IQCH: variants seen among roughly 807,000 people sequenced by gnomAD.
IQCH encodes the protein IQ domain-containing protein H.
Under a neutral mutation model 117.0 loss-of-function variants are expected in IQCH, and 98 were observed. The observed-to-expected ratio is 0.84, with a 90% confidence interval of 0.71 to 0.99. The LOEUF is 0.99. IQCH is among the 50% of genes least tolerant of loss of function. The probability of loss-of-function intolerance (pLI) is 0.00; values close to 1 mark genes in which losing one functional copy is unlikely to be tolerated. For synonymous variants in IQCH, 412 were observed against 448.2 expected, an observed-to-expected ratio of 0.92 and a Z score of 1.02; for missense variants, 1,102 against 1,243.8, an observed-to-expected ratio of 0.89 and a Z score of 1.72.
intron 3 of IQCH, among the ~76,000 whole-genome samples, chr15:67,277,813 T>A (rs919998688): frequency 6.6e-6 from 1 of 152,008 alleles, no homozygotes; most frequent in South Asian, 2.1e-4. Context: ...GATTACAGGC[T>A]TGAGCCACCG....
rs2140839048 is a variant in IQCH at position 67,388,672 on chromosome 15, G to A, written c.1457-159G>A. On this transcript the variant is annotated intron_variant, in intron 11 of 20. Transcript: ENST00000335894. The surrounding 1 kb of genome is among the most constrained non-coding windows in gnomAD (Gnocchi z 5.5). The stretch of plus-strand genomic sequence containing the variant: ...GAAATGCCGAACTGTAAAAAAGCCA[G>A]TTAGATTGCTCAGATAGTACAAAAC... Among the ~76,000 whole-genome samples, 1 of 152,250 alleles carries A rather than the reference G, an allele frequency of 6.6e-6. No individual in the cohort carries two copies. The highest frequency in any genetic ancestry group is 2.1e-4 in the South Asian group (1 of 4,826).
At position 67,466,938 on chromosome 15, in the gene IQCH, TG is replaced by T; in HGVS notation, c.2676+1646del. The stretch of plus-strand genomic sequence containing the variant: ...AGTCTATGCCATTTCTGCAAGAAGC[TG>T]GGGGTCAGGTGTGGTGGCTCACGCC... On this transcript the variant is annotated intron_variant, in intron 17 of 20. Coordinates refer to ENST00000335894, the MANE Select transcript of IQCH (RefSeq NM_001031715.3). The surrounding 1 kb of genome is among the most constrained non-coding windows in gnomAD (Gnocchi z 4.4). 6.5e-6 allele frequency: 1 copy of T among 153,052 alleles called. No individual in the cohort carries two copies. Among genetic ancestry groups the T allele is most frequent in the Non-Finnish European group, 1.5e-5 (1 of 68,740 alleles). 9.5% of individuals were successfully genotyped at this position (153,052 alleles called of 1,614,324 possible).
intron 6 of IQCH, among the ~76,000 whole-genome samples, chr15:67,353,196 C>T (rs573396459): frequency 4.2e-4 from 63 of 149,674 alleles, no homozygotes; most frequent in Admixed American, 1.4e-3. Flanking sequence ...TAATAAGTGA[C>T]GTAAGCCTAA....
chr15:67,414,447 G>A (rs2081524149), intron 14 of IQCH, among the ~76,000 whole-genome samples: 1 of 152,062 alleles, frequency 6.6e-6, no homozygotes, highest in Admixed American at 6.5e-5. Flanking sequence ...GGAGGCAGAG[G>A]AGGGCAGGTT....
At chr15:67,397,208 T>G (rs145355648) in intron 13 of IQCH, among the ~76,000 whole-genome samples, 1 of 152,358 alleles carries the variant, frequency 6.6e-6, no homozygotes, top group East Asian at 1.9e-4. Flanking sequence ...ATGTTTATAT[T>G]GAGTCTTGCC....
Position 67,490,840 on chromosome 15 carries a change from C to T in IQCH, c.2861+776C>T, listed in dbSNP as rs114488710. Among the ~76,000 whole-genome samples, 1,399 of 152,360 alleles carry T rather than the reference C, an allele frequency of 9.2e-3. 26 individuals are homozygous for T. Among genetic ancestry groups the T allele is most frequent in the African/African-American group, 0.032 (1,348 of 41,586 alleles). On this transcript the variant is annotated intron_variant, in intron 19 of 20. Coordinates refer to ENST00000335894, the MANE Select transcript of IQCH (RefSeq NM_001031715.3). The surrounding 1 kb of genome is among the most constrained non-coding windows in gnomAD (Gnocchi z 4.9). Reference sequence around the variant, plus strand: ...GTACGCATGCACTGAGCACAGGCTGCTGGCAACACTCGGAGGCTTCCGCAC... The same window carrying T: ...GTACGCATGCACTGAGCACAGGCTGTTGGCAACACTCGGAGGCTTCCGCAC...
Position 67,421,526 on chromosome 15 carries a change from CT to C in IQCH, c.2458del (p.Ser820ArgfsTer2). 6.2e-7 allele frequency: 1 copy of C among 1,614,192 alleles called. No individual in the cohort carries two copies. Among genetic ancestry groups the C allele is most frequent in the Non-Finnish European group, 8.5e-7 (1 of 1,180,018 alleles). On this transcript the variant is annotated frameshift_variant, in exon 16 of 21. Coordinates refer to ENST00000335894, the MANE Select transcript of IQCH (RefSeq NM_001031715.3). LOFTEE classifies it high-confidence loss of function. Reference protein sequence around the residue: ...ACRMRDVVGYFSIDLVTFIDP... With the variant: ...ACRMRDVVGYXSIDLVTFIDP... ...GCAGAATGAGAGATGTGGTTGGTTACTTTTCGATAGATCTGGTGACTTTTAT... is the reference window on the plus strand; with the variant it reads ...GCAGAATGAGAGATGTGGTTGGTTACTTTCGATAGATCTGGTGACTTTTAT...
At chr15:67,351,274 T>C (rs1262639652) in intron 6 of IQCH, among the ~76,000 whole-genome samples, 1 of 151,798 alleles carries the variant, frequency 6.6e-6, no homozygotes, top group Admixed American at 6.6e-5. Flanking sequence ...TGGTGTGTAA[T>C]GTTCCCCTCC....
chr15:67,438,038 G>A (rs1405021862), intron 16 of IQCH, among the ~76,000 whole-genome samples: 1 of 152,114 alleles, frequency 6.6e-6, no homozygotes, highest in Non-Finnish European at 1.5e-5. Context: ...AATACAAGAA[G>A]CACAAAGAAC....
chr15:67,279,984 C>T (rs1241950934), intron 4 of IQCH, among the ~76,000 whole-genome samples: 3 of 151,456 alleles, frequency 2.0e-5, no homozygotes, highest in Non-Finnish European at 4.4e-5. Context: ...CCACTGCACT[C>T]CAGCCAGGGC....
chr15:67,263,207 CT>C lies in IQCH; in HGVS notation c.262del (p.Ser88ProfsTer8). On this transcript the variant is annotated frameshift_variant, in exon 3 of 21. Transcript: ENST00000335894. LOFTEE classifies it high-confidence loss of function. Reference protein sequence around the residue: ...VNDESLYTPQASKWLLPTVID... With the variant: ...VNDESLYTPQXSKWLLPTVID... ...GATGAGAGCTTATATACTCCCCAGGCTTCCAAATGGTAAGTAAAATAGCCAT... is the reference window on the plus strand; with the variant it reads ...GATGAGAGCTTATATACTCCCCAGGCTCCAAATGGTAAGTAAAATAGCCAT... The C allele has an allele frequency of 6.5e-7, 1 of 1,537,766 alleles. No individual in the cohort carries two copies. The highest frequency in any genetic ancestry group is 9.0e-7 in the Non-Finnish European group (1 of 1,113,396).
Position 67,465,260 on chromosome 15 carries a change from G to T in IQCH, c.2639G>T (p.Arg880Met), listed in dbSNP as rs751496077. The T allele has an allele frequency of 1.9e-6, 3 of 1,613,958 alleles. No homozygotes were observed. The African/African-American group carries it at 4.0e-5, about 22-fold the overall frequency. ...GTGCCCCGCTTTGTTCCAAAGGAAA[G>T]GAAGAAAACCAAATGCATGAGTGCG... is the stretch of plus-strand genomic sequence containing the variant. The part of the protein sequence containing the change: ...LEVPRFVPKE[R>M]KKTKCMSALS... The change falls in exon 17 of 21, where the codon AGG becomes ATG. Residue 880 changes from arginine to methionine, a missense_variant. By Grantham distance (91) the Arg-to-Met change is moderately conservative. This residue lies in a region of IQCH where 650 missense variants were observed against 794.3 expected (regional missense o/e 0.82). Transcript: ENST00000335894. The surrounding 1 kb of genome is among the most constrained non-coding windows in gnomAD (Gnocchi z 5.9).
At chr15:67,398,428 G>C (rs958618691) in intron 13 of IQCH, among the ~76,000 whole-genome samples, 2 of 152,136 alleles carry the variant, frequency 1.3e-5, no homozygotes, top group African/African-American at 4.8e-5. Context: ...TTGTAGACCA[G>C]AGTTCTGTCA....
chr15:67,372,763 A>G (rs929547054), intron 9 of IQCH, 101 bp downstream of exon 9: 28 of 997,684 alleles, frequency 2.8e-5, no homozygotes, highest in Non-Finnish European at 4.0e-5. Flanking sequence ...TCTCTTTCCA[A>G]CTACTCTCCT....
intron 4 of IQCH, among the ~76,000 whole-genome samples, chr15:67,295,572 A>G (rs1040224115): frequency 5.3e-5 from 8 of 152,190 alleles, no homozygotes; most frequent in Admixed American, 4.6e-4. Flanking sequence ...GTACTGAGCT[A>G]GGAGGCGTCT....
At chr15:67,269,974 G>A (rs1243308198) in intron 3 of IQCH, among the ~76,000 whole-genome samples, 1 of 152,044 alleles carries the variant, frequency 6.6e-6, no homozygotes, top group African/African-American at 2.4e-5. Context: ...TCAATATACT[G>A]GTTTCCTTTC....
chr15:67,426,791 T>A lies in IQCH; in HGVS notation c.2505+5214T>A, dbSNP rs942570311. ...GAGTTCAATACCAGCCTGGGCAACA[T>A]AGAAAGGTCCAGTCTCTACCAAAAA... On this transcript the variant is annotated intron_variant, in intron 16 of 20. Coordinates refer to ENST00000335894, the MANE Select transcript of IQCH (RefSeq NM_001031715.3). This position sits in a 1 kb window ranked among gnomAD's most constrained non-coding sequence, Gnocchi z 5.1. Among the ~76,000 whole-genome samples, 1 of 151,342 alleles carries A rather than the reference T, an allele frequency of 6.6e-6. No homozygotes were observed. The highest frequency in any genetic ancestry group is 2.4e-5 in the African/African-American group (1 of 41,112).
At chr15:67,346,512 T>C (rs1319401922) in intron 6 of IQCH, among the ~76,000 whole-genome samples, 1 of 152,184 alleles carries the variant, frequency 6.6e-6, no homozygotes, top group African/African-American at 2.4e-5. Context: ...CAGTTCACAA[T>C]AGGGTTCTTG....
At chr15:67,263,003 A>G (rs1965521805) in intron 2 of IQCH, 119 bp from the exon 3 acceptor site, 1 of 681,500 alleles carries the variant, frequency 1.5e-6, no homozygotes, top group Admixed American at 2.4e-5. Flanking sequence ...ACGTAATAAT[A>G]CATAGCATGT....
Sources: gnomAD v4.1 joint callset for allele counts (sites outside exome capture counted in the v4.1 genomes callset) on GRCh38, gnomAD v4.1.1 for gene constraint, gnomAD v4.1.1 regional missense constraint, Gnocchi (gnomAD v3.1) non-coding constraint, MANE v1.5 for transcripts, NCBI Gene and HGNC (gene_info 2026-07-23, HGNC 2026-07-21) for gene names.